DAB1: variants seen among roughly 807,000 people sequenced by gnomAD.
DAB1 encodes disabled homolog 1.
A neutral mutation model predicts 64.6 loss-of-function variants in DAB1; 15 were observed. That is an observed-to-expected ratio of 0.23 (90% CI 0.16 to 0.36). The LOEUF is 0.36. Ranked by LOEUF, DAB1 falls within the 10% of genes least tolerant of loss-of-function variation. The probability of loss-of-function intolerance (pLI) is 1.00; values close to 1 mark genes in which losing one functional copy is unlikely to be tolerated. For missense variants in DAB1, 596 were observed against 706.7 expected, an observed-to-expected ratio of 0.84 and a Z score of 1.78; for synonymous variants, 235 against 251.9, an observed-to-expected ratio of 0.93 and a Z score of 0.64.
chr1:57,474,677 G>C (rs1222163089), intron 7 of DAB1, among the ~76,000 whole-genome samples: 1 of 151,994 alleles, frequency 6.6e-6, no homozygotes, highest in African/African-American at 2.4e-5. Context: ...TTCACAGTTG[G>C]GCTAAAGAGG....
intron 5 of DAB1, among the ~76,000 whole-genome samples, chr1:58,010,920 T>G (rs1029184335): frequency 7.9e-5 from 12 of 152,374 alleles, no homozygotes; most frequent in African/African-American, 2.6e-4. Flanking sequence ...ATGAAAACTA[T>G]TTGCTATCCT....
chr1:57,909,681 A>G (rs1375432945), intron 5 of DAB1, among the ~76,000 whole-genome samples: 2 of 152,228 alleles, frequency 1.3e-5, no homozygotes, highest in African/African-American at 4.8e-5. Context: ...AAAATATTGC[A>G]GGTTTAGTAT....
intron 2 of DAB1, among the ~76,000 whole-genome samples, chr1:57,176,647 A>G (rs1175528561): frequency 6.6e-6 from 1 of 152,144 alleles, no homozygotes; most frequent in Non-Finnish European, 1.5e-5. Flanking sequence ...TAAAATCTGT[A>G]TTACTAGGAC....
chr1:57,929,652 TG>T (rs1208949820), intron 5 of DAB1, among the ~76,000 whole-genome samples: 1 of 152,192 alleles, frequency 6.6e-6, no homozygotes, highest in Non-Finnish European at 1.5e-5. Flanking sequence ...ACAAGTCATA[TG>T]GGAAAGATGG....
chr1:57,320,641 C>T (rs1204861283), intron 1 of DAB1, among the ~76,000 whole-genome samples: 1 of 152,068 alleles, frequency 6.6e-6, no homozygotes, highest in Admixed American at 6.6e-5. Flanking sequence ...AAAATCAACA[C>T]CAATTCCTAC....
At chr1:57,892,833 T>C (rs1305373104) in intron 5 of DAB1, among the ~76,000 whole-genome samples, 1 of 152,216 alleles carries the variant, frequency 6.6e-6, no homozygotes, top group African/African-American at 2.4e-5. Flanking sequence ...ATATAAATCA[T>C]GTATTTCCAA....
intron 4 of DAB1, among the ~76,000 whole-genome samples, chr1:58,197,898 A>G (rs2100253192): frequency 6.6e-6 from 1 of 152,312 alleles, no homozygotes; most frequent in Non-Finnish European, 1.5e-5. Context: ...ACATGAATGC[A>G]TTAATATTGC....
intron 2 of DAB1, among the ~76,000 whole-genome samples, chr1:57,241,028 G>C (rs569370011): frequency 1.3e-5 from 2 of 152,068 alleles, no homozygotes; most frequent in African/African-American, 4.8e-5. Flanking sequence ...CACTATACAC[G>C]CATCCACCAG....
intron 2 of DAB1, among the ~76,000 whole-genome samples, chr1:57,208,224 T>C (rs928018298): frequency 2.0e-5 from 3 of 150,750 alleles, no homozygotes; most frequent in Non-Finnish European, 3.0e-5. Context: ...GGGGTATTTA[T>C]ACACTAATTT....
rs201091607 is a variant in DAB1 at position 58,232,498 on chromosome 1, C to CACAG, written n.310-81911_310-81910insCTGT. Among the ~76,000 whole-genome samples, 884 of 148,414 alleles carry CACAG rather than the reference C, an allele frequency of 6.0e-3. 5 individuals are homozygous for CACAG. Among genetic ancestry groups the CACAG allele is most frequent in the African/African-American group, 0.022 (844 of 38,220 alleles). ...GAATACACACACACACACACACACA[C>CACAG]ACACACACACACACACACACACACA... On this transcript the variant is annotated intron_variant and non_coding_transcript_variant, in intron 4 of 20. Transcript: ENST00000485760.
At chr1:58,333,882 A>G (rs1219242384) in intron 4 of DAB1, among the ~76,000 whole-genome samples, 1 of 152,132 alleles carries the variant, frequency 6.6e-6, no homozygotes, top group Non-Finnish European at 1.5e-5. Flanking sequence ...CAACCTCTAA[A>G]CCATGGTGAT....
chr1:57,033,676 G>T, intron 9 of DAB1: 1 of 1,120,364 alleles, frequency 8.9e-7, no homozygotes, highest in Non-Finnish European at 1.3e-6. Flanking sequence ...ACACTTCCGT[G>T]GTCTCAGTAG....
intron 1 of DAB1, among the ~76,000 whole-genome samples, chr1:57,849,866 G>A (rs1395001649): frequency 6.6e-6 from 1 of 152,134 alleles, no homozygotes; most frequent in Non-Finnish European, 1.5e-5. Context: ...AAAATAAAAT[G>A]GGAAGCATAA....
chr1:57,338,475 C>T (rs1677286093), intron 1 of DAB1, among the ~76,000 whole-genome samples: 1 of 152,068 alleles, frequency 6.6e-6, no homozygotes, highest in Admixed American at 6.5e-5. Context: ...AGGCATTTGT[C>T]CTTCTTTTGC....
At chr1:57,194,500 G>A (rs918586015) in intron 2 of DAB1, among the ~76,000 whole-genome samples, 4 of 152,178 alleles carry the variant, frequency 2.6e-5, no homozygotes, top group Non-Finnish European at 5.9e-5. Flanking sequence ...AAAGAAAAGA[G>A]CAGTCCCACA....
intron 4 of DAB1, among the ~76,000 whole-genome samples, chr1:58,221,839 G>A (rs1285955875): frequency 2.0e-5 from 3 of 152,102 alleles, no homozygotes; most frequent in African/African-American, 7.2e-5. Flanking sequence ...AGCTCTAATG[G>A]GACTCTCAAA....
intron 1 of DAB1, among the ~76,000 whole-genome samples, chr1:57,828,225 G>C (rs1387507677): frequency 6.6e-6 from 1 of 152,192 alleles, no homozygotes; most frequent in South Asian, 2.1e-4. Context: ...GATTACAGGC[G>C]TGAGCCACCA....
At chr1:58,044,182 G>A (rs1416172548) in intron 5 of DAB1, among the ~76,000 whole-genome samples, 2 of 152,178 alleles carry the variant, frequency 1.3e-5, no homozygotes, top group Admixed American at 1.3e-4. Flanking sequence ...TGAGGCTGTG[G>A]TAAGTTGGAG....
intron 4 of DAB1, among the ~76,000 whole-genome samples, chr1:58,216,919 T>A (rs1484139819): frequency 2.0e-5 from 3 of 152,188 alleles, no homozygotes; most frequent in Admixed American, 2.0e-4. Context: ...GAAGGCTTGA[T>A]GGCTTATAAA....
Sources: gnomAD v4.1 joint callset for allele counts (sites outside exome capture counted in the v4.1 genomes callset) on GRCh38, gnomAD v4.1.1 for gene constraint, MANE v1.5 for transcripts, NCBI Gene and HGNC (gene_info 2026-07-23, HGNC 2026-07-21) for gene names.